Variants in MYPN observed in about 807,000 individuals in gnomAD.
The protein encoded by MYPN is sarcomeric protein myopalladin, 145 kDa (MYOP).
MYPN carries 63 observed loss-of-function variants against 129.4 expected under a neutral mutation model. That is an observed-to-expected ratio of 0.49 (90% CI 0.40 to 0.60). MYPN has a LOEUF of 0.60. Ranked by LOEUF, MYPN falls within the 20% of genes least tolerant of loss-of-function variation. The pLI is 0.00. For synonymous variants in MYPN, 629 were observed against 600.9 expected, an observed-to-expected ratio of 1.05 and a Z score of -0.68; for missense variants, 1,596 against 1,635.4, an observed-to-expected ratio of 0.98 and a Z score of 0.42.
intron 5 of MYPN, among the ~76,000 whole-genome samples, chr10:68,149,188 C>T (rs1269487614): frequency 6.6e-6 from 1 of 152,158 alleles, no homozygotes; most frequent in Non-Finnish European, 1.5e-5. Context: ...CATAGCTGCA[C>T]TACAGCCTGG....
chr10:68,159,424 A>G (rs191055375), intron 7 of MYPN, among the ~76,000 whole-genome samples: 33 of 152,370 alleles, frequency 2.2e-4, no homozygotes, highest in African/African-American at 7.7e-4. Flanking sequence ...CACTTGTTTT[A>G]ATCTGCGCTT....
intron 1 of MYPN, among the ~76,000 whole-genome samples, chr10:68,116,646 G>A (rs1386568527): frequency 6.6e-6 from 1 of 152,086 alleles, no homozygotes; most frequent in Non-Finnish European, 1.5e-5. Flanking sequence ...TGAGGCAGGA[G>A]AATCGCTTGA....
chr10:68,108,954 C>T (rs1020324536), upstream of MYPN, among the ~76,000 whole-genome samples: 1 of 152,158 alleles, frequency 6.6e-6, no homozygotes, highest in African/African-American at 2.4e-5. Flanking sequence ...CTCCTGACCT[C>T]AGGTGATCTG....
Position 68,166,651 on chromosome 10 carries a change from T to C in MYPN, c.1958T>C (p.Leu653Pro). The change falls in exon 10 of 20, where the codon CTG becomes CCG. Residue 653 changes from leucine (L) to proline (P), a missense_variant. By Grantham distance (98) the Leu-to-Pro change is moderately conservative. Transcript: ENST00000358913. ...CCCGTGAAAGAGCCCCCTCCAGTTCTGGCCAAACCCAAACTGTAAGTAAAA... is the reference window on the plus strand; with the variant it reads ...CCCGTGAAAGAGCCCCCTCCAGTTCCGGCCAAACCCAAACTGTAAGTAAAA... ...SSPVKEPPPV[L>P]AKPKLDSTQL... 6.2e-7 allele frequency: 1 copy of C among 1,614,052 alleles called. No homozygotes were observed. The highest frequency in any genetic ancestry group is 8.5e-7 in the Non-Finnish European group (1 of 1,180,020).
intron 10 of MYPN, among the ~76,000 whole-genome samples, chr10:68,169,422 A>C (rs1347237065): frequency 1.3e-5 from 2 of 151,676 alleles, no homozygotes; most frequent in Non-Finnish European, 2.9e-5. Flanking sequence ...GGATTTGAGC[A>C]TGGAAAAAGG....
At chr10:68,121,053 C>T (rs184957706) in intron 1 of MYPN, among the ~76,000 whole-genome samples, 3 of 152,276 alleles carry the variant, frequency 2.0e-5, no homozygotes, top group East Asian at 3.9e-4. Flanking sequence ...CTGAGGTGAG[C>T]GGATCACCTG....
At chr10:68,195,590 G>C in intron 15 of MYPN, 58 bp downstream of exon 15, 1 of 1,369,214 alleles carries the variant, frequency 7.3e-7, no homozygotes, top group Admixed American at 1.7e-5. Context: ...GCCCACTATC[G>C]TGAGCACCAA....
chr10:68,190,511 T>A (rs1242508634), intron 13 of MYPN, among the ~76,000 whole-genome samples: 1 of 152,186 alleles, frequency 6.6e-6, no homozygotes, highest in African/African-American at 2.4e-5. Context: ...TTTTGCCCAT[T>A]TTTAACAGTC....
In MYPN at chr10:68,145,459, GT is replaced by G; in HGVS notation, c.1079-11del. On this transcript the variant is annotated splice_polypyrimidine_tract_variant and intron_variant, in intron 3 of 19. Transcript: ENST00000358913. ...TGTCATCTTAACAATCTTATGTCTT[GT>G]TTTTATTTTTCCAGGGGTTTCTTCT... 1 of 1,608,852 alleles carries G rather than the reference GT, an allele frequency of 6.2e-7. No homozygotes were observed. The highest frequency in any genetic ancestry group is 8.5e-7 in the Non-Finnish European group (1 of 1,175,620).
chr10:68,166,439 G>A lies in MYPN; in HGVS notation c.1746G>A (p.Leu582=). 6.2e-7 allele frequency: 1 copy of A among 1,614,052 alleles called. No homozygotes were observed. ...QPPKPKLEGV[L]VNHNEPRSSS... ...CCAAACCCAAACTCGAGGGGGTTCTGGTGAACCACAATGAGCCCCGGTCCA... is the reference window on the plus strand; with the variant it reads ...CCAAACCCAAACTCGAGGGGGTTCTAGTGAACCACAATGAGCCCCGGTCCA... The change falls in exon 10 of 20, where the codon CTG becomes CTA. Residue 582 remains leucine, a synonymous_variant. Coordinates refer to ENST00000358913, the MANE Select transcript of MYPN (RefSeq NM_032578.4).
chr10:68,203,312 G>C (rs1254521778), intron 18 of MYPN, among the ~76,000 whole-genome samples: 1 of 152,144 alleles, frequency 6.6e-6, no homozygotes, highest in Non-Finnish European at 1.5e-5. Context: ...ATTCTGGCTG[G>C]GCACAGTGGC....
chr10:68,211,351 C>A lies in MYPN; in HGVS notation c.*896C>A. ...CACCTCATGGGCTCCTACCCCTTTC[C>A]CCAAAAGTCTGAAAGTGTAGGAGGA... On this transcript the variant is annotated 3_prime_UTR_variant, in exon 20 of 20. Transcript: ENST00000358913. 1 of 451,938 alleles carries A rather than the reference C, an allele frequency of 2.2e-6. No homozygotes were observed. Among genetic ancestry groups the A allele is most frequent in the Non-Finnish European group, 4.4e-6 (1 of 226,214 alleles). 28.0% of individuals were successfully genotyped at this position (451,938 alleles called of 1,614,324 possible).
chr10:68,191,203 G>A (rs1320958881), intron 13 of MYPN, among the ~76,000 whole-genome samples: 1 of 137,324 alleles, frequency 7.3e-6, no homozygotes, highest in Non-Finnish European at 1.5e-5. Flanking sequence ...TTTTAGAATT[G>A]TTTTTTCTAT....
intron 7 of MYPN, among the ~76,000 whole-genome samples, chr10:68,160,821 G>A (rs1460172374): frequency 6.6e-6 from 1 of 152,188 alleles, no homozygotes; most frequent in Admixed American, 6.5e-5. Flanking sequence ...GGAGCCTGAG[G>A]TAGGAGAATC....
chr10:68,199,343 C>T, intron 16 of MYPN, 25 bp from the exon 17 acceptor site: 2 of 1,609,814 alleles, frequency 1.2e-6, no homozygotes, highest in South Asian at 2.2e-5. Context: ...CAGTCATGTG[C>T]CTCAGCTGTT....
At chr10:68,124,111 GGCTATACCT>G (rs2134003664) in intron 2 of MYPN, among the ~76,000 whole-genome samples, 1 of 152,270 alleles carries the variant, frequency 6.6e-6, no homozygotes, top group South Asian at 2.1e-4. Flanking sequence ...CACTTGACTA[GGCTATACCT>G]AATTTTGCAT....
intron 10 of MYPN, among the ~76,000 whole-genome samples, chr10:68,168,718 T>G (rs1459717352): frequency 1.3e-5 from 2 of 152,102 alleles, no homozygotes; most frequent in African/African-American, 2.4e-5. Context: ...GTCTGAAAAC[T>G]TGGAGTCAGT....
chr10:68,181,494 T>C (rs1313258601), intron 12 of MYPN, among the ~76,000 whole-genome samples: 1 of 152,090 alleles, frequency 6.6e-6, no homozygotes, highest in East Asian at 1.9e-4. Flanking sequence ...TTCACCATGC[T>C]GGCCAGGCTG....
intron 13 of MYPN, among the ~76,000 whole-genome samples, chr10:68,194,005 T>TA: frequency 6.6e-6 from 1 of 152,092 alleles, no homozygotes; most frequent in Non-Finnish European, 1.5e-5. Flanking sequence ...AATGAGAATA[T>TA]CCACTCTCCT....
Sources: gnomAD v4.1 joint callset for allele counts (sites outside exome capture counted in the v4.1 genomes callset) on GRCh38, gnomAD v4.1.1 for gene constraint, MANE v1.5 for transcripts, NCBI Gene and HGNC (gene_info 2026-07-23, HGNC 2026-07-21) for gene names.